Variants in TCF12 observed in about 807,000 individuals in gnomAD.
TCF12 encodes transcription factor 12, also known as DNA-binding protein HTF4.
Under a neutral mutation model 86.0 loss-of-function variants are expected in TCF12, and 45 were observed. The observed-to-expected ratio is 0.52, with a 90% CI of 0.41 to 0.67. The LOEUF is 0.67. TCF12 is among the 30% of genes least tolerant of loss of function. The probability of loss-of-function intolerance (pLI) is 0.00; values close to 1 mark genes in which losing one functional copy is unlikely to be tolerated. For synonymous variants in TCF12, 330 were observed against 299.6 expected, an observed-to-expected ratio of 1.10 and a Z score of -1.05; for missense variants, 881 against 859.9, an observed-to-expected ratio of 1.02 and a Z score of -0.31.
intron 7 of TCF12, among the ~76,000 whole-genome samples, chr15:57,193,349 C>G (rs1054745798): frequency 1.3e-5 from 2 of 152,222 alleles, no homozygotes; most frequent in Non-Finnish European, 1.5e-5. Flanking sequence ...TCACCCCTAT[C>G]TAGTTCTGAA....
chr15:57,119,272 T>A (rs2051058315), intron 5 of TCF12, among the ~76,000 whole-genome samples: 1 of 151,608 alleles, frequency 6.6e-6, no homozygotes, highest in South Asian at 2.1e-4. Flanking sequence ...GTGGTTTTGT[T>A]TTTTTGTTTG....
At chr15:57,119,358 G>A (rs1267230888) in intron 5 of TCF12, among the ~76,000 whole-genome samples, 1 of 151,006 alleles carries the variant, frequency 6.6e-6, no homozygotes, top group Non-Finnish European at 1.5e-5. Context: ...CTCACATTGT[G>A]CCCAGGCTAG....
At chr15:56,930,204 T>A (rs1167519346) in intron 3 of TCF12, among the ~76,000 whole-genome samples, 2 of 152,194 alleles carry the variant, frequency 1.3e-5, no homozygotes, top group East Asian at 3.8e-4. Flanking sequence ...GGAATTACAG[T>A]CATCCAGCTT....
At chr15:57,082,311 A>G (rs559196080) in intron 4 of TCF12, among the ~76,000 whole-genome samples, 1 of 152,338 alleles carries the variant, frequency 6.6e-6, no homozygotes, top group South Asian at 2.1e-4. Flanking sequence ...TTAACAGTCC[A>G]CACAACACTG....
rs142924862 is a variant in TCF12, at chr15:57,108,383, T to C, written c.325+16492T>C. Among the ~76,000 whole-genome samples the C allele has an allele frequency of 1.2e-3, 178 of 152,280 alleles. 1 individual carries two copies. Among genetic ancestry groups the C allele is most frequent in the African/African-American group, 4.0e-3 (168 of 41,556 alleles). On this transcript the variant is annotated intron_variant, in intron 5 of 20. Coordinates refer to ENST00000333725, the MANE Select transcript of TCF12 (RefSeq NM_207037.2). ...GACACAAAAACAATTAATATCTGGG[T>C]CTGTCCTCAAGTTTACTGGGTGAGA...
At chr15:57,014,445 T>C (rs1362429426) in intron 3 of TCF12, among the ~76,000 whole-genome samples, 4 of 152,138 alleles carry the variant, frequency 2.6e-5, no homozygotes, top group East Asian at 3.9e-4. Flanking sequence ...TTTCTGACCT[T>C]CTCTCATTTC....
At chr15:56,999,517 G>T (rs1281194878) in intron 3 of TCF12, among the ~76,000 whole-genome samples, 1 of 151,922 alleles carries the variant, frequency 6.6e-6, no homozygotes, top group Non-Finnish European at 1.5e-5. Flanking sequence ...TAATTCCTTG[G>T]GACAGTAACT....
chr15:57,147,333 A>T (rs2053427275), intron 5 of TCF12, among the ~76,000 whole-genome samples: 1 of 152,154 alleles, frequency 6.6e-6, no homozygotes, highest in African/African-American at 2.4e-5. Flanking sequence ...AACCCTTTAG[A>T]GCTATCTTTA....
chr15:56,986,516 A>C (rs1264349097), intron 3 of TCF12, among the ~76,000 whole-genome samples: 4 of 152,188 alleles, frequency 2.6e-5, no homozygotes, highest in African/African-American at 9.6e-5. Flanking sequence ...TTTAAGTCAA[A>C]AAAGCAGCTC....
intron 3 of TCF12, among the ~76,000 whole-genome samples, chr15:56,957,194 C>T (rs1174559650): frequency 5.9e-5 from 9 of 152,188 alleles, no homozygotes; most frequent in African/African-American, 2.2e-4. Context: ...GAGCCAATTT[C>T]TTGTCGTTAT....
intron 4 of TCF12, among the ~76,000 whole-genome samples, chr15:57,081,477 C>T (rs972816964): frequency 2.0e-5 from 3 of 152,166 alleles, no homozygotes; most frequent in African/African-American, 7.2e-5. Flanking sequence ...AAGCCTTTAG[C>T]CCAAGTTCTG....
intron 4 of TCF12, among the ~76,000 whole-genome samples, chr15:57,090,931 G>A (rs28372003): frequency 0.24 from 36,341 of 152,038 alleles, 5,014 homozygotes; most frequent in East Asian, 0.4. Context: ...ACCAGGACAG[G>A]TTTCATCACG....
intron 12 of TCF12, among the ~76,000 whole-genome samples, chr15:57,239,638 A>AAACT (rs1191299340): frequency 6.6e-6 from 1 of 152,100 alleles, no homozygotes; most frequent in Non-Finnish European, 1.5e-5. Flanking sequence ...TTGAGTAAAG[A>AAACT]TTTAAAGTGG....
chr15:57,168,362 A>G (rs1474684135), intron 6 of TCF12, among the ~76,000 whole-genome samples: 1 of 152,224 alleles, frequency 6.6e-6, no homozygotes, highest in Non-Finnish European at 1.5e-5. Flanking sequence ...AAAAGCAGCA[A>G]TTGAACATCT....
chr15:57,001,872 GT>G (rs1296550591), intron 3 of TCF12, among the ~76,000 whole-genome samples: 8 of 152,154 alleles, frequency 5.3e-5, no homozygotes, highest in African/African-American at 1.9e-4. Flanking sequence ...GATTGCCACT[GT>G]CTTTGGAAAG....
chr15:57,000,719 TCTAA>T (rs1325527040), intron 3 of TCF12, among the ~76,000 whole-genome samples: 2 of 152,130 alleles, frequency 1.3e-5, no homozygotes, highest in Non-Finnish European at 2.9e-5. Flanking sequence ...GTTTTTCCAG[TCTAA>T]CTTTGTTTTT....
chr15:57,147,234 C>G (rs910736614), intron 5 of TCF12, among the ~76,000 whole-genome samples: 21 of 152,124 alleles, frequency 1.4e-4, no homozygotes, highest in African/African-American at 5.1e-4. Flanking sequence ...AACAATGTAA[C>G]TATATATTCA....
intron 3 of TCF12, among the ~76,000 whole-genome samples, chr15:56,957,122 A>G (rs954443548): frequency 7.9e-5 from 12 of 152,172 alleles, no homozygotes; most frequent in Admixed American, 6.5e-5. Context: ...TTACAATGCA[A>G]TAAGAAGGCC....
At chr15:57,063,605 T>A in intron 3 of TCF12, 145 bp from the exon 4 acceptor site, 1 of 520,148 alleles carries the variant, frequency 1.9e-6, no homozygotes. Flanking sequence ...ACTTATATTT[T>A]ACAGGTTTCT....
Sources: allele counts gnomAD v4.1 joint callset (sites outside exome capture counted in the v4.1 genomes callset), GRCh38; gene constraint gnomAD v4.1.1; transcripts MANE v1.5; gene names NCBI Gene and HGNC (gene_info 2026-07-23, HGNC 2026-07-21).